Variants in DOCK1 observed in about 807,000 individuals in gnomAD.
The protein encoded by DOCK1 is dedicator of cytokinesis protein 1.
In DOCK1, 138 loss-of-function variants were observed where a neutral mutation model predicts 262.7. That is an observed-to-expected ratio of 0.53 (90% CI 0.46 to 0.61). DOCK1 has a LOEUF of 0.61. Ranked by LOEUF, DOCK1 falls within the 20% of genes least tolerant of loss-of-function variation. The probability of loss-of-function intolerance (pLI) is 0.00; values close to 1 mark genes in which losing one functional copy is unlikely to be tolerated. For missense variants in DOCK1, 1,908 were observed against 2,370.7 expected, an observed-to-expected ratio of 0.80 and a Z score of 4.05; for synonymous variants, 866 against 867.4, an observed-to-expected ratio of 1.00 and a Z score of 0.03.
In DOCK1 at chr10:127,206,022, A is replaced by G. The variant is rs1564902637; in HGVS notation, c.2848-41986A>G. On this transcript the variant is annotated intron_variant, in intron 27 of 51. Coordinates refer to ENST00000623213, the MANE Select transcript of DOCK1 (RefSeq NM_001290223.2). ...GCTCATTTTGATTAAGGCTACCTTC[A>G]GATAACCACTGTTTATCATGCACTT... 3.3e-5 allele frequency among the ~76,000 whole-genome samples: 5 copies of G among 152,202 alleles called. No homozygotes were observed. In the South Asian group the frequency reaches 8.3e-4, roughly 25 times the overall value.
intron 44 of DOCK1, 126 bp downstream of exon 44, chr10:127,415,364 C>T (rs1033816429): frequency 2.5e-6 from 2 of 809,532 alleles, no homozygotes; most frequent in East Asian, 2.7e-5. Flanking sequence ...CTCTACAGTT[C>T]CCATAACCAC....
At chr10:127,112,187 T>A (rs1429953203) in intron 25 of DOCK1, among the ~76,000 whole-genome samples, 1 of 152,134 alleles carries the variant, frequency 6.6e-6, no homozygotes, top group Non-Finnish European at 1.5e-5. Context: ...AATTTCTGTA[T>A]TTTTAGTAGA....
At chr10:127,425,843 A>C in intron 46 of DOCK1, 31 bp from the exon 47 acceptor site, 3 of 1,613,636 alleles carry the variant, frequency 1.9e-6, no homozygotes, top group Non-Finnish European at 2.5e-6. Flanking sequence ...TTATCCAAGA[A>C]ATAAGGAATG....
chr10:127,226,401 T>G (rs1437633713), intron 27 of DOCK1, among the ~76,000 whole-genome samples: 1 of 152,134 alleles, frequency 6.6e-6, no homozygotes, highest in Non-Finnish European at 1.5e-5. Context: ...CATGGCGTCC[T>G]GTCTCTGCTC....
At chr10:127,015,368 C>G (rs750950212) in intron 12 of DOCK1, among the ~76,000 whole-genome samples, 7 of 152,028 alleles carry the variant, frequency 4.6e-5, no homozygotes, top group Non-Finnish European at 1.0e-4. Flanking sequence ...CTGCCCCCGT[C>G]TCCCACCAGG....
chr10:127,248,230 AT>A (rs2059498572), intron 28 of DOCK1, 121 bp downstream of exon 28: 1 of 887,590 alleles, frequency 1.1e-6, no homozygotes, highest in Non-Finnish European at 1.7e-6. Flanking sequence ...TCTCTGATTG[AT>A]TTCAAATGCC....
intron 23 of DOCK1, among the ~76,000 whole-genome samples, chr10:127,069,369 C>G (rs749963133): frequency 1.3e-5 from 2 of 152,208 alleles, no homozygotes; most frequent in Non-Finnish European, 2.9e-5. Context: ...TCCACTCCCT[C>G]TGACCTGACG....
intron 21 of DOCK1, among the ~76,000 whole-genome samples, chr10:127,045,639 T>C (rs1402112683): frequency 6.6e-6 from 1 of 152,184 alleles, no homozygotes; most frequent in African/African-American, 2.4e-5. Flanking sequence ...ATTTTGGCAA[T>C]GGGCAGTCCT....
chr10:127,327,101 C>T (rs74633484), intron 29 of DOCK1, among the ~76,000 whole-genome samples: 1,834 of 152,290 alleles, frequency 0.012, 50 homozygotes, highest in African/African-American at 0.042. Flanking sequence ...TTCTTAAGGG[C>T]GCTAGGATGT....
At chr10:127,254,199 A>C (rs1012543129) in intron 28 of DOCK1, among the ~76,000 whole-genome samples, 1 of 151,982 alleles carries the variant, frequency 6.6e-6, no homozygotes, top group African/African-American at 2.4e-5. Flanking sequence ...GTGTCTCTTT[A>C]ATCTTTCTTT....
chr10:127,176,152 C>T lies in DOCK1; in HGVS notation c.2847+48388C>T, dbSNP rs775136991. ...ACTGTCATGTATTTGCGGTAGGCTG[C>T]TCTGCAGGACACGGGCTTGGCCTCC... On this transcript the variant is annotated intron_variant, in intron 27 of 51. Transcript: ENST00000623213. This position sits in a 1 kb window ranked among gnomAD's most constrained non-coding sequence, Gnocchi z 4.4. 23 of 1,613,980 alleles carry T rather than the reference C, an allele frequency of 1.4e-5. No individual in the cohort carries two copies. The highest frequency in any genetic ancestry group is 9.3e-5 in the African/African-American group (7 of 74,894).
chr10:126,924,823 G>T (rs2134132864), intron 1 of DOCK1, among the ~76,000 whole-genome samples: 1 of 152,322 alleles, frequency 6.6e-6, no homozygotes, highest in Non-Finnish European at 1.5e-5. Context: ...AGAGCCTTCA[G>T]AGTGAAGGAT....
intron 29 of DOCK1, among the ~76,000 whole-genome samples, chr10:127,270,710 A>G (rs2060531621): frequency 6.6e-6 from 1 of 152,110 alleles, no homozygotes; most frequent in South Asian, 2.1e-4. Context: ...ACAAGACTTC[A>G]GAGAAGGCTT....
chr10:127,384,108 G>A (rs1432552120), intron 37 of DOCK1, among the ~76,000 whole-genome samples: 1 of 152,156 alleles, frequency 6.6e-6, no homozygotes, highest in African/African-American at 2.4e-5. Flanking sequence ...TCATCAAATA[G>A]CTGCTGAATT....
chr10:127,075,801 C>T (rs1198873483), intron 23 of DOCK1, among the ~76,000 whole-genome samples: 1 of 152,176 alleles, frequency 6.6e-6, no homozygotes, highest in Non-Finnish European at 1.5e-5. Flanking sequence ...GTGGGGATTA[C>T]AATTTGAGAT....
intron 29 of DOCK1, among the ~76,000 whole-genome samples, chr10:127,261,771 G>A (rs913068094): frequency 7.4e-6 from 1 of 134,530 alleles, no homozygotes; most frequent in African/African-American, 2.9e-5. Context: ...GCATGTGGGT[G>A]TGTGTGTGTG....
intron 1 of DOCK1, among the ~76,000 whole-genome samples, chr10:126,928,301 A>G (rs2033920501): frequency 6.6e-6 from 1 of 152,194 alleles, no homozygotes; most frequent in South Asian, 2.1e-4. Context: ...AGCTGCTGAG[A>G]GCCGTGTCCA....
At chr10:127,392,384 C>A (rs553562355) in intron 38 of DOCK1, among the ~76,000 whole-genome samples, 5 of 152,210 alleles carry the variant, frequency 3.3e-5, no homozygotes, top group African/African-American at 1.2e-4. Context: ...CTGTGGCTGC[C>A]ACCTCTGGAT....
At chr10:127,234,625 C>A (rs1276238027) in intron 27 of DOCK1, among the ~76,000 whole-genome samples, 2 of 151,974 alleles carry the variant, frequency 1.3e-5, no homozygotes, top group Non-Finnish European at 2.9e-5. Context: ...CCCAATAGGA[C>A]CTTGTTTCAG....
Sources: allele counts gnomAD v4.1 joint callset (sites outside exome capture counted in the v4.1 genomes callset), GRCh38; gene constraint gnomAD v4.1.1; non-coding constraint Gnocchi (gnomAD v3.1); transcripts MANE v1.5; gene names NCBI Gene and HGNC (gene_info 2026-07-23, HGNC 2026-07-21).